Variants in PARP11 observed in about 807,000 individuals in gnomAD.
PARP11 encodes the protein protein mono-ADP-ribosyltransferase PARP11.
A neutral mutation model predicts 42.9 loss-of-function variants in PARP11; 31 were observed. That is an observed-to-expected ratio of 0.72 (90% CI 0.54 to 0.98). PARP11 has a LOEUF of 0.98. Among genes scored for constraint, PARP11 ranks in the 50% least tolerant of loss-of-function variants. The probability of loss-of-function intolerance (pLI) is 0.00; values close to 1 mark genes in which losing one functional copy is unlikely to be tolerated. For synonymous variants in PARP11, 137 were observed against 127.3 expected (o/e 1.08, Z -0.51); for missense variants, 365 against 413.1 (o/e 0.88, Z 1.01).
Position 3,832,557 on chromosome 12 carries a change from A to C in PARP11, c.19-2539T>G, listed in dbSNP as rs11062854. Among the ~76,000 whole-genome samples, 1,163 of 152,308 alleles carry C rather than the reference A, an allele frequency of 7.6e-3. 9 individuals are homozygous for C. The highest frequency in any genetic ancestry group is 0.026 in the African/African-American group (1,082 of 41,564). On this transcript the variant is annotated intron_variant, in intron 1 of 7. Transcript: ENST00000228820. ...TTCACAGATGCTCTGGGTTTCTTTA[A>C]AAAGATGCATTTTATAAGATTAAAC...
At chr12:3,846,638 T>A (rs1355953094) in intron 1 of PARP11, among the ~76,000 whole-genome samples, 1 of 151,544 alleles carries the variant, frequency 6.6e-6, no homozygotes, top group African/African-American at 2.4e-5. Flanking sequence ...GCGCCTGTAG[T>A]CCCAGCTACT....
chr12:3,846,104 A>G (rs1031668199), intron 1 of PARP11, among the ~76,000 whole-genome samples: 15 of 152,236 alleles, frequency 9.9e-5, no homozygotes, highest in African/African-American at 3.6e-4. Flanking sequence ...AGTACTTTAT[A>G]TTCTTTATCA....
intron 1 of PARP11, chr12:3,872,948 G>A: frequency 4.6e-6 from 1 of 216,478 alleles, no homozygotes; most frequent in Non-Finnish European, 7.9e-6. Flanking sequence ...AACAACAAAT[G>A]GTGAAGGGAT....
intron 5 of PARP11, 26 bp downstream of exon 5, chr12:3,822,059 G>A (rs1279054238): frequency 1.9e-6 from 3 of 1,611,510 alleles, no homozygotes; most frequent in Non-Finnish European, 2.5e-6. Context: ...TCTTTCATGG[G>A]TATATTCAGT....
Position 3,828,897 on chromosome 12 carries a change from G to A in PARP11, c.268+13C>T, listed in dbSNP as rs1565536432. 6.2e-7 allele frequency: 1 copy of A among 1,611,764 alleles called. No individual in the cohort carries two copies. The highest frequency in any genetic ancestry group is 8.5e-7 in the Non-Finnish European group (1 of 1,178,492). On this transcript the variant is annotated intron_variant, in intron 3 of 7. Coordinates refer to ENST00000228820, the MANE Select transcript of PARP11 (RefSeq NM_020367.6). ...ATACTAAAAACACACAACTATTAGG[G>A]AAAAAAACATACCTGCAAAGTCTAT...
At chr12:3,834,101 G>A (rs1182990570) in intron 1 of PARP11, among the ~76,000 whole-genome samples, 5 of 152,190 alleles carry the variant, frequency 3.3e-5, no homozygotes, top group Non-Finnish European at 7.3e-5. Context: ...TAGAGGTTTT[G>A]TGCCAGGAGC....
intron 4 of PARP11, among the ~76,000 whole-genome samples, chr12:3,823,872 C>T (rs1416433903): frequency 6.7e-6 from 1 of 148,928 alleles, no homozygotes; most frequent in Non-Finnish European, 1.5e-5. Flanking sequence ...GCCAAGATGG[C>T]ACCACTGCAC....
chr12:3,852,276 G>C (rs1303491754), intron 1 of PARP11, among the ~76,000 whole-genome samples: 1 of 152,204 alleles, frequency 6.6e-6, no homozygotes, highest in Non-Finnish European at 1.5e-5. Flanking sequence ...AAGCTGGATG[G>C]AGAATGACTT....
At chr12:3,868,452 T>C (rs190097291) in intron 1 of PARP11, among the ~76,000 whole-genome samples, 4 of 152,294 alleles carry the variant, frequency 2.6e-5, no homozygotes, top group Non-Finnish European at 5.9e-5. Context: ...AGACTACCTA[T>C]AGACACTGAG....
In PARP11 at chr12:3,826,123, A is replaced by C. The variant is rs180967664; in HGVS notation, c.344+35T>G. On this transcript the variant is annotated intron_variant, in intron 4 of 7. Transcript: ENST00000228820. ...TCTGTCCAATAGTAAGAAAAAAAAA[A>C]CCCACTCTTTCCACCCCTATTCTCT... The C allele has an allele frequency of 8.7e-4, 1,139 of 1,309,690 alleles. 2 individuals are homozygous for C. The highest frequency in any genetic ancestry group is 6.2e-3 in the African/African-American group (415 of 66,812). The allele number at this position is 1,309,690 out of a possible 1,614,324, so 81.1% of individuals were successfully genotyped here. A position where few individuals can be genotyped will look rare whatever the true frequency, so the allele number is the denominator to read the frequency against.
intron 1 of PARP11, chr12:3,841,291 G>C (rs1196941570): frequency 7.8e-7 from 1 of 1,289,380 alleles, no homozygotes; most frequent in East Asian, 2.3e-5. Context: ...CAATCTTGGT[G>C]TGAAGGCATA....
chr12:3,833,215 A>T (rs1488955563), intron 1 of PARP11, among the ~76,000 whole-genome samples: 2 of 152,242 alleles, frequency 1.3e-5, no homozygotes, highest in Non-Finnish European at 2.9e-5. Flanking sequence ...TATAAAGAAG[A>T]TCTCAAACCT....
chr12:3,835,683 TAAAG>T (rs1465250483), intron 1 of PARP11, among the ~76,000 whole-genome samples: 1 of 151,978 alleles, frequency 6.6e-6, no homozygotes, highest in Non-Finnish European at 1.5e-5. Flanking sequence ...ATAATATCAA[TAAAG>T]AGAGAAATAA....
chr12:3,825,637 G>A (rs1273116456), intron 4 of PARP11, among the ~76,000 whole-genome samples: 1 of 152,150 alleles, frequency 6.6e-6, no homozygotes, highest in African/African-American at 2.4e-5. Flanking sequence ...ATACAAGAAG[G>A]AAAAGGATAA....
intron 1 of PARP11, among the ~76,000 whole-genome samples, chr12:3,843,483 T>C (rs561566728): frequency 1.4e-4 from 21 of 152,334 alleles, no homozygotes; most frequent in South Asian, 4.1e-4. Context: ...CCTTGCACCA[T>C]TGGTTATGTA....
chr12:3,812,252 T>C lies in PARP11; in HGVS notation c.888A>G (p.Arg296=). The change falls in exon 8 of 8, where the codon CGA becomes CGG. Residue 296 remains arginine, a synonymous_variant. Transcript: ENST00000228820. ...DYINGDSKYM[R]PPSKDGSYVN... ...CATAGCTCCCGTCTTTGGAAGGAGG[T>C]CGCATGTATTTGGAGTCTCCGTTTA... 3.1e-6 allele frequency: 5 copies of C among 1,613,986 alleles called. No individual in the cohort carries two copies. Among genetic ancestry groups the C allele is most frequent in the Non-Finnish European group, 4.2e-6 (5 of 1,179,960 alleles).
At chr12:3,843,069 G>T (rs374892752) in intron 1 of PARP11, among the ~76,000 whole-genome samples, 14 of 152,090 alleles carry the variant, frequency 9.2e-5, no homozygotes, top group African/African-American at 3.4e-4. Flanking sequence ...CTTTCATCTC[G>T]ATATCTGTCA....
chr12:3,867,679 T>C (rs1948415142), intron 1 of PARP11, among the ~76,000 whole-genome samples: 1 of 152,228 alleles, frequency 6.6e-6, no homozygotes, highest in Admixed American at 6.5e-5. Flanking sequence ...TTTTCTTCAC[T>C]TCTTAGAGTG....
At chr12:3,867,149 T>C (rs755813805) in intron 1 of PARP11, among the ~76,000 whole-genome samples, 4 of 152,220 alleles carry the variant, frequency 2.6e-5, no homozygotes, top group Non-Finnish European at 5.9e-5. Flanking sequence ...TGACAGAGCA[T>C]GAAGTATACA....
Sources: allele counts gnomAD v4.1 joint callset (sites outside exome capture counted in the v4.1 genomes callset), GRCh38; gene constraint gnomAD v4.1.1; transcripts MANE v1.5; gene names NCBI Gene and HGNC (gene_info 2026-07-23, HGNC 2026-07-21).